The following GPC5 variants were observed in gnomAD, a reference collection of about 807,000 sequenced individuals.
GPC5 encodes glypican 5.
In GPC5, 47 loss-of-function variants were observed where a neutral mutation model predicts 53.9. That is an observed-to-expected ratio of 0.87 (90% CI 0.69 to 1.11). The LOEUF (loss-of-function observed/expected upper bound fraction) is 1.11, where lower values mean the gene tolerates loss of function less well. Ranked by LOEUF, GPC5 falls within the 50% of genes most tolerant of loss-of-function variation. GPC5 has a pLI of 0.00. For missense variants in GPC5, 748 were observed against 713.1 expected, an observed-to-expected ratio of 1.05 and a Z score of -0.56; for synonymous variants, 286 against 263.3, an observed-to-expected ratio of 1.09 and a Z score of -0.84.
At chr13:91,521,230 C>T (rs1169866365) in intron 2 of GPC5, among the ~76,000 whole-genome samples, 1 of 152,156 alleles carries the variant, frequency 6.6e-6, no homozygotes, top group Non-Finnish European at 1.5e-5. Flanking sequence ...TTTATAAGAA[C>T]TGAAACCAAT....
intron 7 of GPC5, among the ~76,000 whole-genome samples, chr13:92,602,529 A>G (rs1884111996): frequency 6.6e-6 from 1 of 151,964 alleles, no homozygotes; most frequent in Non-Finnish European, 1.5e-5. Context: ...CTACTAAGGC[A>G]GTTTTTTATT....
chr13:92,276,052 A>AGAATTGCT (rs1566514713), intron 7 of GPC5, among the ~76,000 whole-genome samples: 1 of 152,122 alleles, frequency 6.6e-6, no homozygotes, highest in East Asian at 1.9e-4. Flanking sequence ...AAATGAACTG[A>AGAATTGCT]GAATTGCTGT....
intron 7 of GPC5, among the ~76,000 whole-genome samples, chr13:92,571,039 C>T (rs1456914971): frequency 6.6e-6 from 1 of 152,102 alleles, no homozygotes; most frequent in Non-Finnish European, 1.5e-5. Flanking sequence ...TCTTTTGACT[C>T]TTATGTCTAA....
intron 7 of GPC5, among the ~76,000 whole-genome samples, chr13:92,819,831 T>A (rs1188267463): frequency 6.6e-6 from 1 of 152,174 alleles, no homozygotes; most frequent in African/African-American, 2.4e-5. Flanking sequence ...AGTGGACACT[T>A]TTTAGTTCTA....
intron 7 of GPC5, among the ~76,000 whole-genome samples, chr13:92,725,672 G>A (rs936451657): frequency 6.6e-6 from 1 of 151,488 alleles, no homozygotes; most frequent in East Asian, 1.9e-4. Flanking sequence ...AAAATCACAC[G>A]TTCAAATTCT....
Position 91,433,467 on chromosome 13 carries a change from C to T in GPC5, c.164-15294C>T, listed in dbSNP as rs187628739. Among the ~76,000 whole-genome samples the T allele has an allele frequency of 4.7e-3, 711 of 150,490 alleles. 4 individuals carry two copies. The highest frequency in any genetic ancestry group is 0.015 in the African/African-American group (635 of 40,974). ...CATGTGGTGGTTGGTTTTTTGTCCT[C>T]GTGATAGTTTGCTGAGAACGATGGT... On this transcript the variant is annotated intron_variant, in intron 1 of 7. Coordinates refer to ENST00000377067, the MANE Select transcript of GPC5 (RefSeq NM_004466.6).
chr13:92,704,321 T>C (rs914827072), intron 7 of GPC5, among the ~76,000 whole-genome samples: 6 of 152,086 alleles, frequency 3.9e-5, no homozygotes. Context: ...CTGTGAATGC[T>C]GAAGTTGAAT....
chr13:91,648,377 G>A (rs2034613003), intron 2 of GPC5, among the ~76,000 whole-genome samples: 1 of 151,580 alleles, frequency 6.6e-6, no homozygotes, highest in Non-Finnish European at 1.5e-5. Flanking sequence ...TTCCTGGAGT[G>A]GAGAAGTGAA....
chr13:92,441,516 T>C (rs890780478), intron 7 of GPC5, among the ~76,000 whole-genome samples: 1 of 152,198 alleles, frequency 6.6e-6, no homozygotes, highest in African/African-American at 2.4e-5. Context: ...TGTACAAAAA[T>C]TAGTAACATT....
chr13:91,862,869 A>G lies in GPC5; in HGVS notation c.1281-45068A>G, dbSNP rs1480226233. 3.3e-5 allele frequency among the ~76,000 whole-genome samples: 5 copies of G among 152,170 alleles called. No homozygotes were observed. In the East Asian group the frequency reaches 9.6e-4, roughly 29 times the overall value. On this transcript the variant is annotated intron_variant, in intron 5 of 7. Transcript: ENST00000377067. ...CAGGTCTTTTTAATGCCCATTTATTAAGAAGAGATCTTTAGACCTAACTTG... is the reference window on the plus strand; with the variant it reads ...CAGGTCTTTTTAATGCCCATTTATTGAGAAGAGATCTTTAGACCTAACTTG...
chr13:92,165,792 C>A (rs929487790), intron 7 of GPC5, among the ~76,000 whole-genome samples: 7 of 152,108 alleles, frequency 4.6e-5, no homozygotes, highest in African/African-American at 1.7e-4. Context: ...TTCTAGTATC[C>A]AGGCCTGTTC....
chr13:92,307,402 C>T (rs551413422), intron 7 of GPC5, among the ~76,000 whole-genome samples: 4 of 152,124 alleles, frequency 2.6e-5, no homozygotes, highest in South Asian at 2.1e-4. Flanking sequence ...TGCAGTGAGC[C>T]GAGATCGTGC....
chr13:92,075,087 C>A (rs2041242278), intron 6 of GPC5, among the ~76,000 whole-genome samples: 1 of 152,086 alleles, frequency 6.6e-6, no homozygotes, highest in African/African-American at 2.4e-5. Flanking sequence ...ATTTGTATAT[C>A]CACAGAATGC....
chr13:92,476,487 G>C (rs1472913942), intron 7 of GPC5, among the ~76,000 whole-genome samples: 1 of 151,734 alleles, frequency 6.6e-6, no homozygotes, highest in Non-Finnish European at 1.5e-5. Flanking sequence ...TCAGTGTGGC[G>C]ATTCCTCAGT....
At chr13:92,279,983 G>A (rs2042903064) in intron 7 of GPC5, among the ~76,000 whole-genome samples, 1 of 151,988 alleles carries the variant, frequency 6.6e-6, no homozygotes. Flanking sequence ...GGTAGAATTT[G>A]TGTTAATTCT....
chr13:92,832,876 C>G (rs1177369354), intron 7 of GPC5, among the ~76,000 whole-genome samples: 2 of 152,072 alleles, frequency 1.3e-5, no homozygotes, highest in Non-Finnish European at 2.9e-5. Flanking sequence ...GGCATGGTAG[C>G]AGGTGCCTAT....
intron 6 of GPC5, among the ~76,000 whole-genome samples, chr13:92,037,023 T>C (rs1321212159): frequency 1.3e-5 from 2 of 152,224 alleles, no homozygotes; most frequent in Non-Finnish European, 2.9e-5. Flanking sequence ...TTTTTAAAAA[T>C]GTAATTCAAT....
chr13:92,064,756 C>CAAAAAAAAAAAAAAAAAAA lies in GPC5; in HGVS notation c.1402-80062_1402-80061insAAAAAAAAAAAAAAAAAAA, dbSNP rs1175120330. On this transcript the variant is annotated intron_variant, in intron 6 of 7. Coordinates refer to ENST00000377067, the MANE Select transcript of GPC5 (RefSeq NM_004466.6). ...TGGGCGACAGAGCGAGACTCCGTCT[C>CAAAAAAAAAAAAAAAAAAA]AAAAAAAAAAAACAAAACAAAACTC... Among the ~76,000 whole-genome samples, 116 of 33,436 alleles carry CAAAAAAAAAAAAAAAAAAA rather than the reference C, an allele frequency of 3.5e-3. 7 individuals carry two copies. Among genetic ancestry groups the CAAAAAAAAAAAAAAAAAAA allele is most frequent in the African/African-American group, 7.8e-3 (66 of 8,474 alleles). The allele number at this position is 33,436 out of a possible 152,430, so 21.9% of individuals were successfully genotyped here.
At chr13:92,763,521 A>G (rs1181448916) in intron 7 of GPC5, among the ~76,000 whole-genome samples, 1 of 152,080 alleles carries the variant, frequency 6.6e-6, no homozygotes, top group African/African-American at 2.4e-5. Context: ...GCTCAGAATG[A>G]TCCTCTTGGT....
Sources: allele counts gnomAD v4.1 joint callset (sites outside exome capture counted in the v4.1 genomes callset), GRCh38; gene constraint gnomAD v4.1.1; transcripts MANE v1.5; gene names NCBI Gene and HGNC (gene_info 2026-07-23, HGNC 2026-07-21).